GLIS3: variants seen among roughly 807,000 people sequenced by gnomAD.
GLIS3 encodes the protein GLIS family zinc finger 3.
Under a neutral mutation model 78.6 loss-of-function variants are expected in GLIS3, and 53 were observed. The observed-to-expected ratio is 0.67, with a 90% CI of 0.54 to 0.85. The LOEUF (loss-of-function observed/expected upper bound fraction) is 0.85, where lower values mean the gene tolerates loss of function less well. GLIS3 is among the 40% of genes least tolerant of loss of function. The pLI is 0.00. For missense variants in GLIS3, 1,703 were observed against 1,231.1 expected (o/e 1.38, Z -5.74); for synonymous variants, 684 against 509.9 (o/e 1.34, Z -4.60).
intron 2 of GLIS3, among the ~76,000 whole-genome samples, chr9:4,251,098 G>C (rs905274475): frequency 2.0e-5 from 3 of 152,240 alleles, no homozygotes; most frequent in African/African-American, 7.2e-5. Context: ...TTGAGGTGGA[G>C]AGTTCTGTAA....
the GLIS3 span, among the ~76,000 whole-genome samples, chr9:4,435,352 T>G: frequency 6.6e-6 from 1 of 152,172 alleles, no homozygotes; most frequent in African/African-American, 2.4e-5. Flanking sequence ...CAAGGAAGGT[T>G]GGGTAATGTC....
the GLIS3 span, among the ~76,000 whole-genome samples, chr9:4,397,424 A>C: frequency 1.3e-5 from 2 of 151,760 alleles, no homozygotes; most frequent in Non-Finnish European, 2.9e-5. Context: ...CTTTGCTTCA[A>C]TTACTGATTT....
At chr9:4,027,398 A>G (rs1385839290) in intron 4 of GLIS3, among the ~76,000 whole-genome samples, 1 of 152,212 alleles carries the variant, frequency 6.6e-6, no homozygotes, top group Non-Finnish European at 1.5e-5. Flanking sequence ...TGCTTTTCTC[A>G]TTCCCAGATT....
At chr9:4,264,660 C>A (rs187788856) in intron 2 of GLIS3, among the ~76,000 whole-genome samples, 4 of 152,258 alleles carry the variant, frequency 2.6e-5, no homozygotes, top group Non-Finnish European at 5.9e-5. Flanking sequence ...ATCAGAGAAG[C>A]CTTCCCTAAA....
At chr9:4,019,480 G>A (rs1246755904) in intron 4 of GLIS3, among the ~76,000 whole-genome samples, 9 of 152,116 alleles carry the variant, frequency 5.9e-5, no homozygotes, top group African/African-American at 2.2e-4. Context: ...AATATGTATT[G>A]AGTGCCTACT....
At position 4,118,479 on chromosome 9, in the gene GLIS3, C is replaced by A; in HGVS notation, c.999G>T (p.Gly333=). 1.2e-6 allele frequency: 2 copies of A among 1,614,076 alleles called. No individual in the cohort carries two copies. ...ACAGGTTGGCCGGCGAAGCCCTCGACCCGTTGATGTAGGCCACCAAGGACG... is the reference window on the plus strand; with the variant it reads ...ACAGGTTGGCCGGCGAAGCCCTCGAACCGTTGATGTAGGCCACCAAGGACG... ...SPTSLVAYIN[G]SRASPANLSP... is the part of the protein sequence containing the mutation. The change falls in exon 4 of 11, where the codon GGG becomes GGT. Residue 333 remains glycine, a synonymous_variant. Coordinates refer to ENST00000381971, the MANE Select transcript of GLIS3 (RefSeq NM_001042413.2). This position sits in a 1 kb window ranked among gnomAD's most constrained non-coding sequence, Gnocchi z 4.7.
rs181437825 is a variant in GLIS3, at chr9:4,064,241, T to G, written c.1710+53527A>C. Among the ~76,000 whole-genome samples the G allele has an allele frequency of 1.8e-3, 269 of 152,156 alleles. 4 individuals carry two copies. Among genetic ancestry groups the G allele is most frequent in the Non-Finnish European group, 9.7e-4 (66 of 67,998 alleles). ...TATTATACAGTACATAAAAATAAATTCTACAAGGAATAAAGATAGGTGAAG... is the reference window on the plus strand; with the variant it reads ...TATTATACAGTACATAAAAATAAATGCTACAAGGAATAAAGATAGGTGAAG... On this transcript the variant is annotated intron_variant, in intron 4 of 10. Coordinates refer to ENST00000381971, the MANE Select transcript of GLIS3 (RefSeq NM_001042413.2).
chr9:4,103,710 C>T (rs1830548763), intron 4 of GLIS3, among the ~76,000 whole-genome samples: 1 of 152,066 alleles, frequency 6.6e-6, no homozygotes, highest in Non-Finnish European at 1.5e-5. Context: ...GTTTTTAATG[C>T]CTACCAATTT....
intron 2 of GLIS3, among the ~76,000 whole-genome samples, chr9:4,159,155 G>A (rs1291449305): frequency 6.6e-6 from 1 of 152,040 alleles, no homozygotes; most frequent in African/African-American, 2.4e-5. Flanking sequence ...TGAGAACAGG[G>A]CCTGTATATT....
chr9:4,214,497 C>G (rs1160004536), intron 2 of GLIS3, among the ~76,000 whole-genome samples: 1 of 152,170 alleles, frequency 6.6e-6, no homozygotes, highest in African/African-American at 2.4e-5. Flanking sequence ...CAGGGCTATG[C>G]TAAGTCCCAA....
intron 2 of GLIS3, among the ~76,000 whole-genome samples, chr9:4,187,568 T>G (rs145130162): frequency 1.6e-4 from 25 of 152,328 alleles, no homozygotes; most frequent in African/African-American, 5.8e-4. Flanking sequence ...TGGCATTGAA[T>G]CTATAAATGA....
At chr9:4,119,596 A>G (rs12002580) in intron 3 of GLIS3, among the ~76,000 whole-genome samples, 16 of 152,200 alleles carry the variant, frequency 1.1e-4, no homozygotes, top group African/African-American at 3.4e-4. Context: ...GGAATTATGC[A>G]TTAGAGCCAT....
chr9:4,191,129 C>T (rs181391295), intron 2 of GLIS3, among the ~76,000 whole-genome samples: 4 of 149,746 alleles, frequency 2.7e-5, no homozygotes, highest in Non-Finnish European at 5.9e-5. Context: ...CATCAACTAA[C>T]GAGCAAAATA....
chr9:3,916,089 A>C lies in GLIS3; in HGVS notation c.1983+16271T>G, dbSNP rs535034966. ...AGAGTAGAAACATTAAGGAATAATA[A>C]TCAATCCTTCTGAGAATGCTGTTTT... On this transcript the variant is annotated intron_variant, in intron 6 of 10. Coordinates refer to ENST00000381971, the MANE Select transcript of GLIS3 (RefSeq NM_001042413.2). 2.6e-5 allele frequency among the ~76,000 whole-genome samples: 4 copies of C among 152,348 alleles called. No homozygotes were observed. The South Asian group carries it at 8.3e-4, about 32-fold the overall frequency.
chr9:3,875,613 C>T (rs1274021174), intron 8 of GLIS3: 2 of 152,150 alleles, frequency 1.3e-5, no homozygotes, highest in African/African-American at 2.4e-5. Context: ...AAACCAAAAG[C>T]GGAAGGTAAG....
chr9:4,437,495 T>G, the GLIS3 span, among the ~76,000 whole-genome samples: 1 of 152,096 alleles, frequency 6.6e-6, no homozygotes, highest in East Asian at 1.9e-4. Flanking sequence ...CTCAATTACC[T>G]CTAAGAATTA....
At chr9:4,423,243 C>G in the GLIS3 span, among the ~76,000 whole-genome samples, 4 of 152,190 alleles carry the variant, frequency 2.6e-5, no homozygotes, top group Non-Finnish European at 5.9e-5. Context: ...TATTTGTCAT[C>G]TGACGTCACA....
chr9:4,489,368 T>C, the GLIS3 span, among the ~76,000 whole-genome samples: 1 of 152,198 alleles, frequency 6.6e-6, no homozygotes. Flanking sequence ...GCTCTAATTG[T>C]GGGGATTTAG....
chr9:3,993,350 CACTTTA>C (rs1360878871), intron 4 of GLIS3, among the ~76,000 whole-genome samples: 1 of 152,112 alleles, frequency 6.6e-6, no homozygotes, highest in Non-Finnish European at 1.5e-5. Context: ...ATTCAACTAC[CACTTTA>C]AAAGTAGCTT....
Sources: gnomAD v4.1 joint callset for allele counts (sites outside exome capture counted in the v4.1 genomes callset) on GRCh38, gnomAD v4.1.1 for gene constraint, Gnocchi (gnomAD v3.1) non-coding constraint, MANE v1.5 for transcripts, NCBI Gene and HGNC (gene_info 2026-07-23, HGNC 2026-07-21) for gene names.